Variants in CTPS2 observed in about 807,000 individuals in gnomAD.
CTPS2 encodes CTP synthase 2, also known as CTP synthase II.
A neutral mutation model predicts 46.8 loss-of-function variants in CTPS2; 19 were observed. The observed-to-expected ratio is 0.41, with a 90% confidence interval of 0.28 to 0.60. The LOEUF is 0.60. CTPS2 is among the 20% of genes least tolerant of loss of function. CTPS2 has a pLI of 0.35. For synonymous variants in CTPS2, 151 were observed against 165.2 expected, an observed-to-expected ratio of 0.91 and a Z score of 0.66; for missense variants, 286 against 447.6, an observed-to-expected ratio of 0.64 and a Z score of 3.26.
chrX:16,595,735 T>C (rs757226698), intron 17 of CTPS2, among the ~76,000 whole-genome samples: 1 of 112,417 alleles, frequency 8.9e-6, no homozygotes, highest in Non-Finnish European at 1.9e-5. Flanking sequence ...GTGCCTACCA[T>C]ATATGGTAGT....
At chrX:16,617,320 G>C in intron 15 of CTPS2, 74 bp from the exon 16 acceptor site, 1 of 750,519 alleles carries the variant, frequency 1.3e-6, no homozygotes, top group African/African-American at 2.1e-5. Flanking sequence ...TTCATCAGTT[G>C]GGTGGGTTTT....
chrX:16,628,838 A>G (rs960289508), intron 14 of CTPS2, among the ~76,000 whole-genome samples: 2 of 111,558 alleles, frequency 1.8e-5, no homozygotes, highest in Non-Finnish European at 3.8e-5. Context: ...CCCTAGTGGG[A>G]CCTCATTCTT....
chrX:16,638,171 C>T (rs1170258077), intron 14 of CTPS2, among the ~76,000 whole-genome samples: 3 of 108,366 alleles, frequency 2.8e-5, no homozygotes, highest in Admixed American at 2.0e-4. Context: ...AGGAGAATGA[C>T]GTCAACCCAG....
intron 8 of CTPS2, among the ~76,000 whole-genome samples, chrX:16,687,977 C>T (rs1923381270): frequency 9.0e-6 from 1 of 111,305 alleles, no homozygotes; most frequent in African/African-American, 3.3e-5. Flanking sequence ...GTTAAGTAAT[C>T]ACCCAAACTC....
At chrX:16,659,185 G>T (rs180735949) in intron 13 of CTPS2, among the ~76,000 whole-genome samples, 1 of 111,207 alleles carries the variant, frequency 9.0e-6, no homozygotes, top group Non-Finnish European at 1.9e-5. Context: ...TTAGCCCCTC[G>T]CAGAGTTAAT....
intron 10 of CTPS2, among the ~76,000 whole-genome samples, chrX:16,672,884 T>TG (rs1249019716): frequency 1.1e-5 from 1 of 87,631 alleles, no homozygotes; most frequent in East Asian, 3.4e-4. Context: ...GGCTACTCTT[T>TG]TTTTTTTTTT....
chrX:16,645,290 G>A (rs758123356), intron 13 of CTPS2, among the ~76,000 whole-genome samples: 19 of 111,185 alleles, frequency 1.7e-4, no homozygotes, highest in Non-Finnish European at 3.0e-4. Flanking sequence ...ACTGTACCCG[G>A]CCTGGAATCT....
chrX:16,600,198 G>A (rs1271160369), intron 17 of CTPS2, among the ~76,000 whole-genome samples: 1 of 111,678 alleles, frequency 9.0e-6, no homozygotes, highest in Non-Finnish European at 1.9e-5. Context: ...AAAGGGTATA[G>A]CAATGCCTCA....
intron 17 of CTPS2, among the ~76,000 whole-genome samples, chrX:16,595,267 C>T (rs144372990): frequency 1.3e-3 from 143 of 111,465 alleles, no homozygotes; most frequent in African/African-American, 4.5e-3. Flanking sequence ...AAAATACAGA[C>T]ATGTCCCTAT....
chrX:16,610,228 G>T (rs1049956356), intron 16 of CTPS2, among the ~76,000 whole-genome samples: 1 of 111,484 alleles, frequency 9.0e-6, no homozygotes, highest in Non-Finnish European at 1.9e-5. Context: ...AGCATTTTTT[G>T]AACAAAGTGA....
chrX:16,672,383 C>T (rs1921826439), intron 10 of CTPS2, among the ~76,000 whole-genome samples: 1 of 111,484 alleles, frequency 9.0e-6, no homozygotes, highest in Non-Finnish European at 1.9e-5. Flanking sequence ...CCTCCCTGAG[C>T]TCTTTGCCTT....
At chrX:16,712,859 T>C (rs924676143), upstream of CTPS2, 1 of 111,605 alleles carries the variant, frequency 9.0e-6, no homozygotes, top group Non-Finnish European at 1.9e-5. Flanking sequence ...TCACAAACGC[T>C]TGTGGATCCC....
intron 13 of CTPS2, among the ~76,000 whole-genome samples, chrX:16,657,401 C>T (rs891830868): frequency 5.5e-5 from 6 of 109,589 alleles, no homozygotes; most frequent in Admixed American, 9.9e-5. Context: ...AGAGAAGTAC[C>T]GGTTGATGTA....
In CTPS2 at chrX:16,667,506, C is replaced by A. The variant is rs375580181; in HGVS notation, c.1296+8G>T. 212 of 1,208,191 alleles carry A rather than the reference C, an allele frequency of 1.8e-4. No homozygotes were observed. Among genetic ancestry groups the A allele is most frequent in the Non-Finnish European group, 2.3e-4 (210 of 893,706 alleles). On this transcript the variant is annotated splice_region_variant and intron_variant, in intron 13 of 18. Coordinates refer to ENST00000359276, the MANE Select transcript of CTPS2 (RefSeq NM_175859.3). ...GACTGGACCCAGAAAGATAAACAAGCCACTTACCAGAGGAACTGGGGCATT... is the reference window on the plus strand; with the variant it reads ...GACTGGACCCAGAAAGATAAACAAGACACTTACCAGAGGAACTGGGGCATT...
intron 14 of CTPS2, among the ~76,000 whole-genome samples, chrX:16,627,922 C>T (rs1393770566): frequency 1.8e-5 from 2 of 111,593 alleles, no homozygotes; most frequent in African/African-American, 6.5e-5. Context: ...AAGGTCCAGC[C>T]GTTTGGTACA....
intron 14 of CTPS2, among the ~76,000 whole-genome samples, chrX:16,626,045 C>T (rs951773467): frequency 3.6e-5 from 4 of 111,252 alleles, no homozygotes; most frequent in Non-Finnish European, 5.7e-5. Flanking sequence ...CAGTATTTCC[C>T]GGTCTCCTGT....
chrX:16,690,145 C>T (rs935537998), intron 7 of CTPS2, among the ~76,000 whole-genome samples: 3 of 109,568 alleles, frequency 2.7e-5, no homozygotes, highest in East Asian at 2.9e-4. Flanking sequence ...CTGAGGCAGG[C>T]GGATCATCTG....
chrX:16,658,614 C>T (rs759133084), intron 13 of CTPS2, among the ~76,000 whole-genome samples: 101 of 112,393 alleles, frequency 9.0e-4, no homozygotes, highest in African/African-American at 3.2e-3. Context: ...AAACAGACCA[C>T]CTAACTGATT....
At chrX:16,600,212 AG>A (rs1929577401) in intron 17 of CTPS2, among the ~76,000 whole-genome samples, 1 of 112,173 alleles carries the variant, frequency 8.9e-6, no homozygotes, top group African/African-American at 3.2e-5. Context: ...TGCCTCATAT[AG>A]CCCACCTTTA....
Sources: gnomAD v4.1 joint callset for allele counts (sites outside exome capture counted in the v4.1 genomes callset) on GRCh38, gnomAD v4.1.1 for gene constraint, MANE v1.5 for transcripts, NCBI Gene and HGNC (gene_info 2026-07-23, HGNC 2026-07-21) for gene names.